FAM3B: variants seen among roughly 807,000 people sequenced by gnomAD.
FAM3B encodes protein FAM3B.
A neutral mutation model predicts 28.4 loss-of-function variants in FAM3B; 29 were observed. That is an observed-to-expected ratio of 1.02 (90% confidence interval 0.76 to 1.39). FAM3B has a LOEUF of 1.39. FAM3B is among the 40% of genes most tolerant of loss of function. The pLI is 0.00. For synonymous variants in FAM3B, 91 were observed against 103.0 expected (o/e 0.88, Z 0.71); for missense variants, 266 against 293.9 (o/e 0.91, Z 0.69).
chr21:41,311,463 A>T (rs1044711847), intron 1 of FAM3B, among the ~76,000 whole-genome samples: 1 of 146,132 alleles, frequency 6.8e-6, no homozygotes, highest in Non-Finnish European at 1.5e-5. Flanking sequence ...ACCCTGTATT[A>T]AAAAAAAAAT....
At chr21:41,334,303 T>G (rs367571) in intron 2 of FAM3B, among the ~76,000 whole-genome samples, 12,501 of 152,120 alleles carry the variant, frequency 0.082, 757 homozygotes, top group African/African-American at 0.16. Flanking sequence ...TGGGAAAAAG[T>G]CTCCAAAGGC....
At chr21:41,322,832 G>A (rs777179637) in intron 1 of FAM3B, 91 bp from the exon 2 acceptor site, 74 of 1,601,804 alleles carry the variant, frequency 4.6e-5, no homozygotes, top group African/African-American at 1.3e-4. Flanking sequence ...ACACTGGGCC[G>A]GGATGAAAAG....
chr21:41,321,396 G>T (rs534459341), intron 1 of FAM3B, among the ~76,000 whole-genome samples: 1 of 152,320 alleles, frequency 6.6e-6, no homozygotes, highest in Admixed American at 6.5e-5. Context: ...TGCAGCGCCC[G>T]CAGGTGGCTG....
upstream of FAM3B, among the ~76,000 whole-genome samples, chr21:41,312,749 G>GTGTA (rs746393563): frequency 6.7e-6 from 1 of 148,490 alleles, no homozygotes; most frequent in Non-Finnish European, 1.5e-5. Flanking sequence ...GTGTGTGTGT[G>GTGTA]TGTATGATGT....
intron 1 of FAM3B, among the ~76,000 whole-genome samples, chr21:41,321,366 C>T: frequency 6.6e-6 from 1 of 152,208 alleles, no homozygotes; most frequent in Admixed American, 6.6e-5. Context: ...ATCACTCCTG[C>T]AGAGGAGTGA....
rs2088853081 is a variant in FAM3B, at chr21:41,326,154, G to T, written c.163+3088G>T. 6.6e-6 allele frequency among the ~76,000 whole-genome samples: 1 copy of T among 152,194 alleles called. No individual in the cohort carries two copies. On this transcript the variant is annotated intron_variant, in intron 2 of 7. Coordinates refer to ENST00000357985, the MANE Select transcript of FAM3B (RefSeq NM_058186.4). The surrounding 1 kb of genome is among the most constrained non-coding windows in gnomAD (Gnocchi z 4.0). ...ATGAACTTTACCTTTTGATTGTTTG[G>T]GGGAAGGAATTTCAGGAAAAGCACT...
chr21:41,321,749 C>T (rs904436477), intron 1 of FAM3B, among the ~76,000 whole-genome samples: 27 of 152,206 alleles, frequency 1.8e-4, no homozygotes, highest in African/African-American at 5.8e-4. Flanking sequence ...GCTGCCTTGG[C>T]GCAGCATAGC....
chr21:41,328,201 G>A (rs1375446222), intron 2 of FAM3B, among the ~76,000 whole-genome samples: 1 of 152,178 alleles, frequency 6.6e-6, no homozygotes, highest in East Asian at 1.9e-4. Flanking sequence ...CTCCAGGGAG[G>A]ATTCCTGAGT....
chr21:41,309,416 G>C lies in FAM3B; in HGVS notation n.99+5106G>C, dbSNP rs920442907. Among the ~76,000 whole-genome samples, 13 of 152,276 alleles carry C rather than the reference G, an allele frequency of 8.5e-5. No individual in the cohort carries two copies. The East Asian group carries it at 2.1e-3, about 25-fold the overall frequency. The stretch of plus-strand genomic sequence containing the variant: ...AGGGTCTCTTCCTTGCTAGGCTTGA[G>C]TTCTGCTTCCGCTTCTTCCTGTCCT... On this transcript the variant is annotated intron_variant and non_coding_transcript_variant, in intron 1 of 9. Coordinates refer to the FAM3B transcript ENST00000479810.
rs567354626 is a variant in FAM3B, at chr21:41,325,659, C to T, written c.163+2593C>T. Reference sequence around the variant, plus strand: ...TCATACAGAGCCAAATTTGATCATCCTGGAACTAAACGGTCACTATGGTTT... The same window carrying T: ...TCATACAGAGCCAAATTTGATCATCTTGGAACTAAACGGTCACTATGGTTT... On this transcript the variant is annotated intron_variant, in intron 2 of 7. Coordinates refer to ENST00000357985, the MANE Select transcript of FAM3B (RefSeq NM_058186.4). 9.9e-5 allele frequency among the ~76,000 whole-genome samples: 15 copies of T among 152,276 alleles called. No homozygotes were observed. In the South Asian group the frequency reaches 3.1e-3, roughly 32 times the overall value.
At chr21:41,339,450 G>A (rs1241457683) in intron 3 of FAM3B, among the ~76,000 whole-genome samples, 4 of 152,144 alleles carry the variant, frequency 2.6e-5, no homozygotes, top group Non-Finnish European at 1.5e-5. Context: ...GACACTCATG[G>A]GCCCTTGATA....
chr21:41,349,537 G>A (rs1311385642), intron 7 of FAM3B, among the ~76,000 whole-genome samples: 1 of 152,148 alleles, frequency 6.6e-6, no homozygotes, highest in African/African-American at 2.4e-5. Flanking sequence ...ACATCTCCAG[G>A]GTGTGCAATA....
At chr21:41,337,172 C>T (rs1047356416) in intron 2 of FAM3B, among the ~76,000 whole-genome samples, 1 of 152,134 alleles carries the variant, frequency 6.6e-6, no homozygotes, top group African/African-American at 2.4e-5. Flanking sequence ...GTTTAAGGTG[C>T]TAAGAGTACA....
intron 1 of FAM3B, among the ~76,000 whole-genome samples, chr21:41,304,956 A>G (rs1376166788): frequency 6.6e-6 from 1 of 152,194 alleles, no homozygotes; most frequent in Non-Finnish European, 1.5e-5. Context: ...AGGAAGTGGG[A>G]TCAAAACAAG....
chr21:41,348,988 C>A (rs528013315), intron 7 of FAM3B, among the ~76,000 whole-genome samples: 35 of 152,292 alleles, frequency 2.3e-4, no homozygotes, highest in African/African-American at 7.9e-4. Context: ...CTTCCTTGGG[C>A]AGGAGGTTTA....
intron 3 of FAM3B, among the ~76,000 whole-genome samples, 191 bp downstream of exon 3, chr21:41,338,692 C>G (rs758994565): frequency 5.3e-5 from 8 of 152,066 alleles, no homozygotes; most frequent in Non-Finnish European, 1.0e-4. Context: ...CTGATTGTCT[C>G]TAATGGCTGT....
At chr21:41,341,798 C>A (rs1316744130) in intron 3 of FAM3B, among the ~76,000 whole-genome samples, 4 of 152,178 alleles carry the variant, frequency 2.6e-5, no homozygotes, top group Admixed American at 2.6e-4. Flanking sequence ...TCTCTTGGTG[C>A]ACATGCACAT....
At chr21:41,331,459 G>C (rs439950) in intron 2 of FAM3B, among the ~76,000 whole-genome samples, 7 of 151,966 alleles carry the variant, frequency 4.6e-5, no homozygotes, top group Non-Finnish European at 2.9e-5. Flanking sequence ...CCCTTTGCCT[G>C]TTTTTGCTTG....
intron 5 of FAM3B, chr21:41,346,014 C>CT (rs35090853): frequency 0.11 from 23,797 of 224,188 alleles, 1,243 homozygotes; most frequent in Admixed American, 0.14. Context: ...GAGAAAAAGC[C>CT]TTTTTTTTAA....
Sources: allele counts gnomAD v4.1 joint callset (sites outside exome capture counted in the v4.1 genomes callset), GRCh38; gene constraint gnomAD v4.1.1; non-coding constraint Gnocchi (gnomAD v3.1); transcripts MANE v1.5; gene names NCBI Gene and HGNC (gene_info 2026-07-23, HGNC 2026-07-21).